HSD3B7: variants seen among roughly 807,000 people sequenced by gnomAD.
The protein encoded by HSD3B7 is hydroxy-delta-5-steroid dehydrogenase, 3 beta- and steroid delta-isomerase 7.
Under a neutral mutation model 34.3 loss-of-function variants are expected in HSD3B7, and 35 were observed. The observed-to-expected ratio is 1.02, with a 90% CI of 0.78 to 1.35. The LOEUF (loss-of-function observed/expected upper bound fraction) is 1.35, where lower values mean the gene tolerates loss of function less well. Ranked by LOEUF, HSD3B7 falls within the 40% of genes most tolerant of loss-of-function variation. The pLI, the probability that HSD3B7 is intolerant of heterozygous loss-of-function variation, is 0.00. For synonymous variants in HSD3B7, 217 were observed against 220.1 expected (o/e 0.99, Z 0.13); for missense variants, 426 against 504.7 (o/e 0.84, Z 1.49).
In HSD3B7 at chr16:30,988,170, G is replaced by A. The variant is rs147810715; in HGVS notation, c.1097G>A (p.Gly366Asp). The part of the protein sequence containing the change: ...RTILWVQAAT[G>D]SAQ The stretch of plus-strand genomic sequence containing the variant: ...ATTCTCTGGGTACAGGCCGCTACGG[G>A]TTCAGCCCAGTGACGGTGGGGCTGG... The change falls in exon 7 of 7, where the codon GGT becomes GAT. Residue 366 changes from glycine to aspartate, a missense_variant. Transcript: ENST00000297679. 38 of 1,599,714 alleles carry A rather than the reference G, an allele frequency of 2.4e-5. No individual in the cohort carries two copies. Among genetic ancestry groups the A allele is most frequent in the Non-Finnish European group, 3.2e-5 (38 of 1,177,084 alleles).
intron 6 of HSD3B7, 170 bp from the exon 7 acceptor site, chr16:30,987,598 G>A (rs1206332034): frequency 2.7e-6 from 2 of 739,044 alleles, no homozygotes; most frequent in African/African-American, 3.5e-5. Context: ...GCTGGCCCAG[G>A]AGAGCAAGTG....
chr16:30,985,831 G>T lies in HSD3B7; in HGVS notation c.166+7G>T, dbSNP rs886043482. Reference sequence around the variant, plus strand: ...CTGGAGGAGCTGAAGACAGGTTCTTGTTGGGGGAGCTTGTGGTGGAGAGGG... The same window carrying T: ...CTGGAGGAGCTGAAGACAGGTTCTTTTTGGGGGAGCTTGTGGTGGAGAGGG... On this transcript the variant is annotated splice_region_variant and intron_variant, in intron 2 of 6. Coordinates refer to ENST00000297679, the MANE Select transcript of HSD3B7 (RefSeq NM_025193.4). 3 of 1,597,642 alleles carry T rather than the reference G, an allele frequency of 1.9e-6. No homozygotes were observed. The highest frequency in any genetic ancestry group is 2.6e-6 in the Non-Finnish European group (3 of 1,173,342).
rs756816052 is a variant in HSD3B7, at chr16:30,987,869, A to C, written c.796A>C (p.Arg266=). ...CTTCTGCTACGATGGATCACCCTAC[A>C]GGAGCTACGAGGATTTCAACATGGA... is the stretch of plus-strand genomic sequence containing the variant. ...VYFCYDGSPY[R]SYEDFNMEFL... is the part of the protein sequence containing the mutation. Residue 266 remains arginine, a synonymous_variant, in exon 7 of 7, where the codon AGG becomes CGG. Coordinates refer to ENST00000297679, the MANE Select transcript of HSD3B7 (RefSeq NM_025193.4). 61 of 1,613,832 alleles carry C rather than the reference A, an allele frequency of 3.8e-5. No homozygotes were observed. Among genetic ancestry groups the C allele is most frequent in the Non-Finnish European group, 4.9e-5 (58 of 1,179,988 alleles).
At chr16:30,986,293 A>G in intron 3 of HSD3B7, 89 bp downstream of exon 3, 1 of 1,568,476 alleles carries the variant, frequency 6.4e-7, no homozygotes, top group Middle Eastern at 1.7e-4. Flanking sequence ...CCCTGGGACA[A>G]GTTGTCCTAT....
Position 30,988,882 on chromosome 16 carries a change from G to A in HSD3B7, c.*699G>A, listed in dbSNP as rs2056526400. ...TACGCTGCTCTCCTGACAGCCACAC[G>A]CGACCCTCGGTGCAGAGTGCAGAGG... On this transcript the variant is annotated 3_prime_UTR_variant, in exon 7 of 7. Coordinates refer to ENST00000297679, the MANE Select transcript of HSD3B7 (RefSeq NM_025193.4). 1 of 152,400 alleles carries A rather than the reference G, an allele frequency of 6.6e-6. No individual in the cohort carries two copies. Among genetic ancestry groups the A allele is most frequent in the Non-Finnish European group, 1.5e-5 (1 of 68,176 alleles). The allele number at this position is 152,400 out of a possible 1,614,324, so 9.4% of individuals were successfully genotyped here.
In HSD3B7 at chr16:30,988,166, A is replaced by G. The variant is rs2143644973; in HGVS notation, c.1093A>G (p.Thr365Ala). 1 of 1,602,062 alleles carries G rather than the reference A, an allele frequency of 6.2e-7. No individual in the cohort carries two copies. The highest frequency in any genetic ancestry group is 8.5e-7 in the Non-Finnish European group (1 of 1,177,950). Residue 365 changes from threonine (T) to alanine (A), a missense_variant, in exon 7 of 7, where the codon ACG becomes GCG. Transcript: ENST00000297679. ...TRTILWVQAA[T>A]GSAQ Reference sequence around the variant, plus strand: ...TACCATTCTCTGGGTACAGGCCGCTACGGGTTCAGCCCAGTGACGGTGGGG... The same window carrying G: ...TACCATTCTCTGGGTACAGGCCGCTGCGGGTTCAGCCCAGTGACGGTGGGG...
At chr16:30,987,023 G>C in intron 6 of HSD3B7, 21 bp downstream of exon 6, 1 of 1,599,576 alleles carries the variant, frequency 6.3e-7, no homozygotes, top group Admixed American at 1.7e-5. Flanking sequence ...GGCTAGGCAG[G>C]GGGAGGCTGA....
intron 6 of HSD3B7, 21 bp from the exon 7 acceptor site, chr16:30,987,747 C>T: frequency 6.2e-7 from 1 of 1,608,492 alleles, no homozygotes; most frequent in Non-Finnish European, 8.5e-7. Flanking sequence ...GGTGTGTCCG[C>T]CTCTCTTCCG....
At chr16:30,987,618 G>A (rs2056502672) in intron 6 of HSD3B7, 150 bp from the exon 7 acceptor site, 1 of 856,064 alleles carries the variant, frequency 1.2e-6, no homozygotes, top group East Asian at 2.5e-5. Flanking sequence ...GACTACCAGG[G>A]CGAGGGAGAA....
chr16:30,987,412 A>C (rs2056498484), intron 6 of HSD3B7: 4 of 427,118 alleles, frequency 9.4e-6, no homozygotes, highest in South Asian at 8.8e-5. Context: ...GCACCACTGC[A>C]CTCCAGCCTG....
chr16:30,986,781 C>T (rs1033311113), intron 5 of HSD3B7, 59 bp from the exon 6 acceptor site: 41 of 1,612,128 alleles, frequency 2.5e-5, no homozygotes, highest in African/African-American at 1.9e-4. Flanking sequence ...CCAAGGAGGC[C>T]GGGGCCGAGA....
chr16:30,988,057 C>T lies in HSD3B7; in HGVS notation c.984C>T (p.Asn328=). ...ACCCCTACACGCTGGCCGTGGCCAA[C>T]ACCACCTTCACCGTCAGCACCGACA... ...LLNPYTLAVA[N]TTFTVSTDKA... The change falls in exon 7 of 7, where the codon AAC becomes AAT. Residue 328 remains asparagine, a synonymous_variant. Coordinates refer to ENST00000297679, the MANE Select transcript of HSD3B7 (RefSeq NM_025193.4). 7.5e-6 allele frequency: 12 copies of T among 1,606,384 alleles called. No individual in the cohort carries two copies. The highest frequency in any genetic ancestry group is 1.0e-5 in the Non-Finnish European group (12 of 1,179,702).
chr16:30,987,788 G>A lies in HSD3B7; in HGVS notation c.715G>A (p.Val239Met), dbSNP rs369348414. The change falls in exon 7 of 7, where the codon GTG becomes ATG. Residue 239 changes from valine (V) to methionine (M), a missense_variant. By Grantham distance (21) the Val-to-Met change is conservative. Coordinates refer to ENST00000297679, the MANE Select transcript of HSD3B7 (RefSeq NM_025193.4). Reference protein sequence around the residue: ...VYVGNVAWMHVLAARELEQRA... With the variant: ...VYVGNVAWMHMLAARELEQRA... ...GGCAGGCAATGTTGCCTGGATGCACGTGCTGGCAGCCCGGGAGCTGGAGCA... is the reference window on the plus strand; with the variant it reads ...GGCAGGCAATGTTGCCTGGATGCACATGCTGGCAGCCCGGGAGCTGGAGCA... The A allele has an allele frequency of 4.3e-5, 69 of 1,612,672 alleles. No individual in the cohort carries two copies. The highest frequency in any genetic ancestry group is 5.7e-5 in the Non-Finnish European group (67 of 1,180,006).
chr16:30,988,553 A>G lies in HSD3B7; in HGVS notation c.*370A>G. ...ACTATATTGCTCAGGCTGGTCTTGA[A>G]CTCCTGGGCTCAAGTGATCTTCCCA... is the stretch of plus-strand genomic sequence containing the variant. On this transcript the variant is annotated 3_prime_UTR_variant, in exon 7 of 7. Transcript: ENST00000297679. 5.2e-6 allele frequency: 1 copy of G among 192,838 alleles called. No individual in the cohort carries two copies. The highest frequency in any genetic ancestry group is 1.1e-5 in the Non-Finnish European group (1 of 92,470). The allele number at this position is 192,838 out of a possible 1,614,324, so 11.9% of individuals were successfully genotyped here. A position where few individuals can be genotyped will look rare whatever the true frequency, so the allele number is the denominator to read the frequency against.
chr16:30,986,271 C>G, intron 3 of HSD3B7, 67 bp downstream of exon 3: 4 of 1,580,984 alleles, frequency 2.5e-6, no homozygotes, highest in Non-Finnish European at 3.4e-6. Context: ...TGGCCTTGAC[C>G]TCCGGTGACT....
chr16:30,985,808 G>A lies in HSD3B7; in HGVS notation c.150G>A (p.Leu50=), dbSNP rs745773362. 2.5e-6 allele frequency: 4 copies of A among 1,601,306 alleles called. No homozygotes were observed. In the African/African-American group the frequency reaches 4.0e-5, roughly 16 times the overall value. Residue 50 remains leucine (L), a synonymous_variant, in exon 2 of 7, where the codon CTG becomes CTA. Transcript: ENST00000297679. ...TTGACCAACACCTGGGTCCCTGGCT[G>A]GAGGAGCTGAAGACAGGTTCTTGTT... ...RVFDQHLGPW[L]EELKTGPVRV...
Position 30,988,100 on chromosome 16 carries a change from G to A in HSD3B7, c.1027G>A (p.Gly343Ser), listed in dbSNP as rs1310215945. The A allele has an allele frequency of 3.1e-6, 5 of 1,605,970 alleles. No homozygotes were observed. Among genetic ancestry groups the A allele is most frequent in the East Asian group, 2.2e-5 (1 of 44,814 alleles). ...VSTDKAQRHFGYEPLFSWEDS... is the reference protein window; with the variant it reads ...VSTDKAQRHFSYEPLFSWEDS... ...CACCGACAAGGCTCAGCGCCATTTC[G>A]GCTATGAGCCCCTGTTCTCGTGGGA... The change falls in exon 7 of 7, where the codon GGC becomes AGC. Residue 343 changes from glycine to serine, a missense_variant. By Grantham distance (56) the Gly-to-Ser change is moderately conservative (BLOSUM62 0). Coordinates refer to ENST00000297679, the MANE Select transcript of HSD3B7 (RefSeq NM_025193.4).
chr16:30,985,664 C>A lies in HSD3B7; in HGVS notation c.6C>A (p.Ala2=), dbSNP rs775137861. 4.4e-6 allele frequency: 7 copies of A among 1,604,366 alleles called. No homozygotes were observed. The highest frequency in any genetic ancestry group is 1.3e-5 in the African/African-American group (1 of 74,830). ...GGTCTCTTCCCCAGCCAGGCATGGC[C>A]GACTCTGCACAGGCCCAGAAGCTGG... M[A]DSAQAQKLVY... is the part of the protein sequence containing the mutation. The change falls in exon 2 of 7, where the codon GCC becomes GCA. Residue 2 remains alanine (A), a synonymous_variant. Transcript: ENST00000297679.
intron 4 of HSD3B7, 33 bp from the exon 5 acceptor site, chr16:30,986,572 C>T (rs2056482544): frequency 1.9e-6 from 3 of 1,613,408 alleles, no homozygotes; most frequent in South Asian, 1.1e-5. Flanking sequence ...GCCCATTTCC[C>T]TCAGCATTGA....
Sources: gnomAD v4.1 joint callset for allele counts on GRCh38, gnomAD v4.1.1 for gene constraint, MANE v1.5 for transcripts, NCBI Gene and HGNC (gene_info 2026-07-23, HGNC 2026-07-21) for gene names.